DMD: variants seen among roughly 807,000 people sequenced by gnomAD.
DMD encodes the protein mutant dystrophin.
A neutral mutation model predicts 330.1 loss-of-function variants in DMD; 63 were observed. The observed-to-expected ratio is 0.19, with a 90% confidence interval of 0.16 to 0.24. The LOEUF is 0.24. Among genes scored for constraint, DMD ranks in the 10% least tolerant of loss-of-function variants. DMD has a pLI of 1.00. For missense variants in DMD, 3,344 were observed against 2,684.1 expected, an observed-to-expected ratio of 1.25 and a Z score of -5.43; for synonymous variants, 1,223 against 959.8, an observed-to-expected ratio of 1.27 and a Z score of -5.07.
intron 55 of DMD, among the ~76,000 whole-genome samples, chrX:31,600,510 GTTTTTTTTTTTT>G (rs1177947507): frequency 2.0e-5 from 1 of 50,472 alleles, no homozygotes; most frequent in East Asian, 6.5e-4. Context: ...GCCAACTATG[GTTTTTTTTTTTT>G]TTTTTTTTTT....
chrX:32,707,086 C>T (rs1320720922), intron 7 of DMD, among the ~76,000 whole-genome samples: 4 of 103,418 alleles, frequency 3.9e-5, no homozygotes, highest in African/African-American at 8.3e-5. Context: ...AGCAAGACTC[C>T]GTCTCGGAGG....
At chrX:32,959,130 T>A (rs763773162) in intron 2 of DMD, among the ~76,000 whole-genome samples, 45 of 112,604 alleles carry the variant, frequency 4.0e-4, no homozygotes, top group African/African-American at 1.4e-3. Flanking sequence ...TTCACAGCAA[T>A]GTGGCAGACA....
At chrX:31,951,077 T>A (rs1266557104) in intron 45 of DMD, among the ~76,000 whole-genome samples, 1 of 97,760 alleles carries the variant, frequency 1.0e-5, no homozygotes, top group African/African-American at 3.8e-5. Flanking sequence ...ATACCTAATA[T>A]CTTGGAGATA....
chrX:32,579,730 G>A (rs1014640560), intron 13 of DMD, among the ~76,000 whole-genome samples: 13 of 112,751 alleles, frequency 1.2e-4, no homozygotes, highest in Non-Finnish European at 1.7e-4. Flanking sequence ...ATCATAAAAC[G>A]TCAGCAAATA....
At chrX:32,815,512 T>TACAC (rs1384950902) in intron 6 of DMD, among the ~76,000 whole-genome samples, 27 of 59,640 alleles carry the variant, frequency 4.5e-4, no homozygotes, top group Admixed American at 6.1e-4. Flanking sequence ...TATATATATA[T>TACAC]ATATATATAC....
chrX:33,163,300 G>A (rs2048860477), intron 1 of DMD, among the ~76,000 whole-genome samples: 1 of 109,790 alleles, frequency 9.1e-6, no homozygotes, highest in African/African-American at 3.3e-5. Flanking sequence ...ACTTTGCGAG[G>A]CCGAGGCAGG....
At chrX:32,465,591 T>TTG (rs1408102938) in intron 23 of DMD, among the ~76,000 whole-genome samples, 25 of 96,609 alleles carry the variant, frequency 2.6e-4, no homozygotes, top group South Asian at 5.2e-4. Flanking sequence ...TGTTTTTTTT[T>TTG]TTTTTTTTTT....
chrX:32,517,908 T>C (rs1221991265), intron 18 of DMD, 100 bp downstream of exon 18: 3 of 901,720 alleles, frequency 3.3e-6, no homozygotes, highest in South Asian at 2.0e-5. Context: ...TTTTATCATA[T>C]CGCATTAATC....
intron 63 of DMD, among the ~76,000 whole-genome samples, chrX:31,229,238 G>A (rs747712659): frequency 6.3e-5 from 7 of 111,859 alleles, no homozygotes; most frequent in Admixed American, 9.5e-5. Context: ...TTAAAGCCAT[G>A]GAAGCATTCC....
At chrX:31,562,420 G>C (rs1921955) in intron 55 of DMD, among the ~76,000 whole-genome samples, 1 of 111,398 alleles carries the variant, frequency 9.0e-6, no homozygotes, top group African/African-American at 3.3e-5. Flanking sequence ...AGCAATTTGC[G>C]TTTCATCTGC....
Position 31,951,139 on chromosome X carries a change from ATG to A in DMD, c.6614+17198_6614+17199del, listed in dbSNP as rs1331847049. On this transcript the variant is annotated intron_variant, in intron 45 of 78. Transcript: ENST00000357033. ...TATATATACATATATATATATATAT[ATG>A]TGTATATATATATATATGTATATAT... Among the ~76,000 whole-genome samples the A allele has an allele frequency of 9.0e-4, 65 of 72,191 alleles. 2 individuals are homozygous for A. The highest frequency in any genetic ancestry group is 2.0e-3 in the African/African-American group (33 of 16,278). The allele number at this position is 72,191 out of a possible 115,157, so 62.7% of individuals were successfully genotyped here.
intron 7 of DMD, among the ~76,000 whole-genome samples, chrX:32,730,699 A>C (rs1381294756): frequency 2.7e-5 from 3 of 112,328 alleles, no homozygotes; most frequent in African/African-American, 9.7e-5. Flanking sequence ...AGTGGGAGCC[A>C]CTAAATATTT....
intron 47 of DMD, among the ~76,000 whole-genome samples, chrX:31,883,205 T>C (rs1005605581): frequency 1.8e-5 from 2 of 111,710 alleles, no homozygotes; most frequent in African/African-American, 6.5e-5. Flanking sequence ...GCAGGACATG[T>C]CAAATACAAG....
At chrX:33,221,147 G>A (rs747746053) in intron 1 of DMD, among the ~76,000 whole-genome samples, 21 of 111,556 alleles carry the variant, frequency 1.9e-4, no homozygotes, top group East Asian at 1.1e-3. Context: ...GAACTGGGCC[G>A]TGGAATAAAT....
intron 44 of DMD, among the ~76,000 whole-genome samples, chrX:32,181,359 A>G (rs1215521777): frequency 8.9e-6 from 1 of 111,768 alleles, no homozygotes; most frequent in Non-Finnish European, 1.9e-5. Flanking sequence ...ACTTTTTGAA[A>G]CTGTAGCAGA....
rs978100822 is a variant in DMD at position 32,349,964 on chromosome X, A to G, written c.5326-1436T>C. 1.1e-4 allele frequency among the ~76,000 whole-genome samples: 12 copies of G among 111,516 alleles called. No homozygotes were observed. In the Admixed American group the frequency reaches 1.1e-3, roughly 11 times the overall value. On this transcript the variant is annotated intron_variant, in intron 37 of 78. Transcript: ENST00000357033. ...ACACTGTTTAGATGACGGTAAAAGT[A>G]AAAAGATTAACAACCCTTAGAATCA...
At chrX:32,977,836 A>G (rs763686492) in intron 2 of DMD, among the ~76,000 whole-genome samples, 6 of 111,530 alleles carry the variant, frequency 5.4e-5, no homozygotes, top group Non-Finnish European at 9.4e-5. Flanking sequence ...ATTCCACTAA[A>G]CATAACGATG....
intron 55 of DMD, among the ~76,000 whole-genome samples, chrX:31,559,743 G>A (rs775825853): frequency 6.6e-5 from 7 of 105,588 alleles, no homozygotes; most frequent in South Asian, 4.5e-4. Context: ...AGGGCTCAGC[G>A]CCCCGAACCC....
intron 9 of DMD, among the ~76,000 whole-genome samples, chrX:32,673,452 A>G (rs988735884): frequency 9.0e-6 from 1 of 111,523 alleles, no homozygotes; most frequent in African/African-American, 3.3e-5. Context: ...AAAAGAAAAT[A>G]TAGCTTTGTC....
Sources: gnomAD v4.1 joint callset for allele counts (sites outside exome capture counted in the v4.1 genomes callset) on GRCh38, gnomAD v4.1.1 for gene constraint, MANE v1.5 for transcripts, NCBI Gene and HGNC (gene_info 2026-07-23, HGNC 2026-07-21) for gene names.